Variants in HS6ST1 observed in about 807,000 individuals in gnomAD.
The protein encoded by HS6ST1 is heparan sulfate 6-O-sulfotransferase 1.
A neutral mutation model predicts 25.2 loss-of-function variants in HS6ST1; 3 were observed. The ratio of observed to expected loss-of-function variants is 0.12; its 90% CI spans 0.05 to 0.31. HS6ST1 has a LOEUF of 0.31. Among genes scored for constraint, HS6ST1 ranks in the 10% least tolerant of loss-of-function variants. The pLI is 1.00. For missense variants in HS6ST1, 310 were observed against 609.6 expected (o/e 0.51, Z 5.18); for synonymous variants, 204 against 275.1 (o/e 0.74, Z 2.56).
chr2:128,277,826 C>G (rs555973460), intron 1 of HS6ST1, among the ~76,000 whole-genome samples: 3 of 152,262 alleles, frequency 2.0e-5, no homozygotes, highest in South Asian at 2.1e-4. Context: ...CTAGTCTGCA[C>G]GAACTGCAGC....
chr2:128,312,833 G>T (rs1001523118), intron 1 of HS6ST1, among the ~76,000 whole-genome samples: 74 of 152,310 alleles, frequency 4.9e-4, no homozygotes, highest in Non-Finnish European at 4.4e-5. Context: ...GCGAAGTCGG[G>T]CAGATCACCT....
At chr2:128,317,259 TG>T (rs1479600335) in intron 1 of HS6ST1, among the ~76,000 whole-genome samples, 1 of 152,232 alleles carries the variant, frequency 6.6e-6, no homozygotes, top group Non-Finnish European at 1.5e-5. Context: ...GACATGGGGC[TG>T]GGGGACCCCA....
At chr2:128,289,508 T>C (rs1354334162) in intron 1 of HS6ST1, 1 of 152,240 alleles carries the variant, frequency 6.6e-6, no homozygotes, top group African/African-American at 2.4e-5. Context: ...GCATGTCTGC[T>C]GCTCACCCAC....
chr2:128,284,504 C>CTTTTTTTTTTTTTCT (rs1693833103), intron 1 of HS6ST1, among the ~76,000 whole-genome samples: 1 of 94,888 alleles, frequency 1.1e-5, no homozygotes, highest in Non-Finnish European at 2.1e-5. Context: ...CATCGTCCCT[C>CTTTTTTTTTTTTTCT]TTTTTTTTTT....
chr2:128,287,622 G>A (rs553983972), intron 1 of HS6ST1, among the ~76,000 whole-genome samples: 14 of 152,340 alleles, frequency 9.2e-5, no homozygotes, highest in African/African-American at 3.4e-4. Flanking sequence ...GGGTCCAGGG[G>A]TGCTCTGCAC....
chr2:128,294,361 G>T (rs1181684905), intron 1 of HS6ST1, among the ~76,000 whole-genome samples: 2 of 152,214 alleles, frequency 1.3e-5, no homozygotes, highest in African/African-American at 4.8e-5. Flanking sequence ...CAGTCCCCGA[G>T]GGAGGGGAGG....
chr2:128,306,563 TG>T lies in HS6ST1; in HGVS notation c.527+11473del, dbSNP rs540990498. Among the ~76,000 whole-genome samples the T allele has an allele frequency of 3.6e-3, 547 of 152,340 alleles. 3 individuals are homozygous for T. The highest frequency in any genetic ancestry group is 0.012 in the African/African-American group (517 of 41,570). ...GATGCTCCCCCTGCCGCCTAGGGGC[TG>T]TAAACATTTGTTCCTGCAAGCCCTG... On this transcript the variant is annotated intron_variant, in intron 1 of 1. Coordinates refer to ENST00000259241, the MANE Select transcript of HS6ST1 (RefSeq NM_004807.3).
intron 1 of HS6ST1, among the ~76,000 whole-genome samples, chr2:128,273,135 G>GT (rs1388129204): frequency 6.6e-6 from 1 of 152,218 alleles, no homozygotes; most frequent in Non-Finnish European, 1.5e-5. Flanking sequence ...GATATTAGCA[G>GT]TGCTGGCCCA....
At chr2:128,313,470 A>C (rs1694319897) in intron 1 of HS6ST1, among the ~76,000 whole-genome samples, 1 of 152,198 alleles carries the variant, frequency 6.6e-6, no homozygotes. Flanking sequence ...AAAACCATGC[A>C]TGGGGAATGG....
rs1285432101 is a variant in HS6ST1 at position 128,267,796 on chromosome 2, C to T, written c.*366G>A. ...GTGTGCATAGTTGGTGAGGGACACA[C>T]TCCCGGCCTGGCAGGTCCACTTTCC... is the stretch of plus-strand genomic sequence containing the variant. On this transcript the variant is annotated 3_prime_UTR_variant, in exon 2 of 2. Coordinates refer to ENST00000259241, the MANE Select transcript of HS6ST1 (RefSeq NM_004807.3). 3.3e-5 allele frequency: 12 copies of T among 366,342 alleles called. No homozygotes were observed. Among genetic ancestry groups the T allele is most frequent in the South Asian group, 3.3e-4 (10 of 30,746 alleles). The allele number at this position is 366,342 out of a possible 1,614,324, so 22.7% of individuals were successfully genotyped here.
chr2:128,282,513 G>A (rs1443248213), intron 1 of HS6ST1, among the ~76,000 whole-genome samples: 1 of 152,232 alleles, frequency 6.6e-6, no homozygotes, highest in Non-Finnish European at 1.5e-5. Flanking sequence ...GGCCTGAGGA[G>A]CTGAGGGCAG....
In HS6ST1 at chr2:128,295,032, G is replaced by A. The variant is rs149711483; in HGVS notation, c.527+23005C>T. ...CCTGTGTGGCAAGGCAGAAATGCAG[G>A]AGTCTGAAGGCAGAGGGGTCTGGAT... On this transcript the variant is annotated intron_variant, in intron 1 of 1. Transcript: ENST00000259241. 1.3e-3 allele frequency among the ~76,000 whole-genome samples: 200 copies of A among 152,318 alleles called. 1 individual carries two copies. Among genetic ancestry groups the A allele is most frequent in the African/African-American group, 4.6e-3 (192 of 41,574 alleles).
intron 1 of HS6ST1, among the ~76,000 whole-genome samples, chr2:128,279,451 AAAC>A (rs1693746341): frequency 6.6e-6 from 1 of 151,734 alleles, no homozygotes; most frequent in African/African-American, 2.4e-5. Context: ...GGCTTCAGCG[AAAC>A]AACAAGCATG....
chr2:128,275,607 A>G (rs1449051200), intron 1 of HS6ST1, among the ~76,000 whole-genome samples: 1 of 152,240 alleles, frequency 6.6e-6, no homozygotes, highest in Non-Finnish European at 1.5e-5. Flanking sequence ...AACAAAGTGT[A>G]TGGAAAGAGG....
chr2:128,301,679 G>T (rs1363132044), intron 1 of HS6ST1, among the ~76,000 whole-genome samples: 1 of 152,150 alleles, frequency 6.6e-6, no homozygotes, highest in East Asian at 1.9e-4. Flanking sequence ...TGCGTGTGTG[G>T]GAGAGCGTGC....
At chr2:128,300,843 C>G (rs1282001241) in intron 1 of HS6ST1, among the ~76,000 whole-genome samples, 1 of 152,242 alleles carries the variant, frequency 6.6e-6, no homozygotes, top group African/African-American at 2.4e-5. Flanking sequence ...TCCAGAGCAG[C>G]TAGCCCCACA....
At chr2:128,307,419 A>G (rs559375467) in intron 1 of HS6ST1, among the ~76,000 whole-genome samples, 25 of 152,312 alleles carry the variant, frequency 1.6e-4, no homozygotes, top group African/African-American at 5.3e-4. Flanking sequence ...GGAAGATGGG[A>G]TGTACCTGGG....
chr2:128,286,115 G>A (rs1484587193), intron 1 of HS6ST1, among the ~76,000 whole-genome samples: 1 of 152,234 alleles, frequency 6.6e-6, no homozygotes, highest in Non-Finnish European at 1.5e-5. Context: ...GAGACTTAGA[G>A]CCTACAGCAC....
chr2:128,275,140 G>C (rs776175338), intron 1 of HS6ST1, among the ~76,000 whole-genome samples: 1 of 152,018 alleles, frequency 6.6e-6, no homozygotes, highest in African/African-American at 2.4e-5. Flanking sequence ...AAAAGACATA[G>C]CAATAATTAA....
Sources: gnomAD v4.1 joint callset for allele counts (sites outside exome capture counted in the v4.1 genomes callset) on GRCh38, gnomAD v4.1.1 for gene constraint, MANE v1.5 for transcripts, NCBI Gene and HGNC (gene_info 2026-07-23, HGNC 2026-07-21) for gene names.